Variants in NKAIN3 observed in about 807,000 individuals in gnomAD.
NKAIN3 encodes the protein sodium/potassium transporting ATPase interacting 3.
Under a neutral mutation model 30.2 loss-of-function variants are expected in NKAIN3, and 25 were observed. That is an observed-to-expected ratio of 0.83 (90% CI 0.60 to 1.16). NKAIN3 has a LOEUF of 1.16. Ranked by LOEUF, NKAIN3 falls within the 50% of genes most tolerant of loss-of-function variation. The pLI, the probability that NKAIN3 is intolerant of heterozygous loss-of-function variation, is 0.00. For missense variants in NKAIN3, 225 were observed against 254.1 expected, an observed-to-expected ratio of 0.89 and a Z score of 0.78; for synonymous variants, 91 against 89.6, an observed-to-expected ratio of 1.02 and a Z score of -0.09.
rs60289209 is a variant in NKAIN3 at position 62,580,925 on chromosome 8, T to G, written c.192+1249T>G. Among the ~76,000 whole-genome samples, 906 of 146,792 alleles carry G rather than the reference T, an allele frequency of 6.2e-3. 10 individuals are homozygous for G. The highest frequency in any genetic ancestry group is 0.021 in the African/African-American group (859 of 39,966). ...GGGTTTTTATATATATATATATATATAGAAATCCAGTGTCTACAAAAAAAT... is the reference window on the plus strand; with the variant it reads ...GGGTTTTTATATATATATATATATAGAGAAATCCAGTGTCTACAAAAAAAT... On this transcript the variant is annotated intron_variant, in intron 2 of 6. Transcript: ENST00000623646.
intron 4 of NKAIN3, among the ~76,000 whole-genome samples, chr8:62,799,229 A>G (rs1817975034): frequency 6.6e-6 from 1 of 152,208 alleles, no homozygotes; most frequent in Non-Finnish European, 1.5e-5. Context: ...TTTCCTACTT[A>G]AAGTAATAAT....
At chr8:62,360,291 A>G (rs1282251081) in intron 1 of NKAIN3, among the ~76,000 whole-genome samples, 1 of 152,188 alleles carries the variant, frequency 6.6e-6, no homozygotes, top group African/African-American at 2.4e-5. Context: ...TAAATCCCTG[A>G]TTATGTCATA....
At chr8:62,707,627 C>A (rs758456821) in intron 3 of NKAIN3, among the ~76,000 whole-genome samples, 4 of 151,930 alleles carry the variant, frequency 2.6e-5, no homozygotes, top group South Asian at 2.1e-4. Context: ...GGATGTTGGT[C>A]CTTTCTCAGA....
At chr8:62,947,818 T>C (rs1198018220) in intron 5 of NKAIN3, among the ~76,000 whole-genome samples, 1 of 152,166 alleles carries the variant, frequency 6.6e-6, no homozygotes. Flanking sequence ...CAACAGCCTG[T>C]CTTGACTTGC....
At chr8:62,989,898 T>C (rs1445977396), downstream of NKAIN3, among the ~76,000 whole-genome samples, 1 of 152,118 alleles carries the variant, frequency 6.6e-6, no homozygotes, top group African/African-American at 2.4e-5. Flanking sequence ...TCTAATTAGC[T>C]TTTTTGGCAA....
At chr8:62,997,123 T>C (rs1804135230) in intron 5 of NKAIN3, among the ~76,000 whole-genome samples, 2 of 152,192 alleles carry the variant, frequency 1.3e-5, no homozygotes, top group Admixed American at 6.5e-5. Flanking sequence ...GGCTGTCTTA[T>C]GAAGACCAGC....
intron 4 of NKAIN3, among the ~76,000 whole-genome samples, chr8:62,916,482 G>A (rs890415941): frequency 2.0e-5 from 3 of 152,104 alleles, no homozygotes; most frequent in Admixed American, 6.5e-5. Context: ...GAATGGGTTG[G>A]TAGAATACAG....
At chr8:62,937,814 C>T (rs1441019972) in intron 5 of NKAIN3, among the ~76,000 whole-genome samples, 2 of 152,066 alleles carry the variant, frequency 1.3e-5, no homozygotes, top group Non-Finnish European at 2.9e-5. Flanking sequence ...GGCAAGTTCT[C>T]AGCCTTGCTT....
At chr8:62,526,255 GAAC>G (rs773987613) in intron 1 of NKAIN3, among the ~76,000 whole-genome samples, 6 of 152,128 alleles carry the variant, frequency 3.9e-5, no homozygotes, top group Non-Finnish European at 5.9e-5. Context: ...TTATTACAAA[GAAC>G]AACAACAACA....
intron 4 of NKAIN3, among the ~76,000 whole-genome samples, chr8:62,816,007 T>C (rs1172683194): frequency 3.3e-5 from 5 of 152,214 alleles, no homozygotes. Context: ...GATTGTCATT[T>C]TGAATTCCTT....
chr8:62,779,179 G>C (rs142611621), intron 4 of NKAIN3, among the ~76,000 whole-genome samples: 5 of 152,182 alleles, frequency 3.3e-5, no homozygotes, highest in Middle Eastern at 3.4e-3. Flanking sequence ...GTGTTGGTGG[G>C]GAGGGGTGAC....
chr8:62,507,803 G>A (rs995259916), intron 1 of NKAIN3, among the ~76,000 whole-genome samples: 3 of 152,120 alleles, frequency 2.0e-5, no homozygotes, highest in Non-Finnish European at 2.9e-5. Flanking sequence ...GCTTGTACTC[G>A]GCTCCCGACT....
chr8:62,414,097 G>A (rs909906636), intron 1 of NKAIN3, among the ~76,000 whole-genome samples: 3 of 151,972 alleles, frequency 2.0e-5, no homozygotes, highest in African/African-American at 7.3e-5. Context: ...TTTGATTTGG[G>A]ACTTTTTGTA....
At chr8:62,294,717 A>AT (rs541873853) in intron 1 of NKAIN3, among the ~76,000 whole-genome samples, 120 of 151,990 alleles carry the variant, frequency 7.9e-4, no homozygotes, top group Middle Eastern at 6.8e-3. Flanking sequence ...TTGTATTTTA[A>AT]TTTTTTTGGT....
chr8:62,842,182 T>C (rs570412951), intron 4 of NKAIN3, among the ~76,000 whole-genome samples: 27 of 152,106 alleles, frequency 1.8e-4, no homozygotes, highest in Non-Finnish European at 3.5e-4. Flanking sequence ...TTTCAGTTCC[T>C]TGTATATTTT....
rs1157105994 is a variant in NKAIN3 at position 62,938,164 on chromosome 8, G to A, written c.533-15738G>A. ...GACATAATATCTTGGGAGCTCTAAC[G>A]GCCCTGCCCTCAACCTGAGAAAGCT... On this transcript the variant is annotated intron_variant, in intron 5 of 6. Coordinates refer to ENST00000623646, the MANE Select transcript of NKAIN3 (RefSeq NM_001304533.3). Among the ~76,000 whole-genome samples, 5 of 152,002 alleles carry A rather than the reference G, an allele frequency of 3.3e-5. No homozygotes were observed. In the South Asian group the frequency reaches 1.0e-3, roughly 32 times the overall value.
chr8:62,298,325 TAATAA>T (rs1305829616), intron 1 of NKAIN3, among the ~76,000 whole-genome samples: 1 of 151,994 alleles, frequency 6.6e-6, no homozygotes, highest in Admixed American at 6.6e-5. Flanking sequence ...AGTATCATAA[TAATAA>T]AATAAAATAA....
intron 4 of NKAIN3, among the ~76,000 whole-genome samples, chr8:62,805,125 C>T (rs1391268593): frequency 2.0e-5 from 3 of 152,070 alleles, no homozygotes; most frequent in Non-Finnish European, 2.9e-5. Context: ...AGGAGAACTA[C>T]AAACCACTGC....
At chr8:62,618,675 G>A (rs974728456) in intron 3 of NKAIN3, among the ~76,000 whole-genome samples, 3 of 152,156 alleles carry the variant, frequency 2.0e-5, no homozygotes, top group African/African-American at 7.2e-5. Flanking sequence ...GGAGGCCGAA[G>A]CAGGCAGATC....
Sources: allele counts gnomAD v4.1 joint callset (sites outside exome capture counted in the v4.1 genomes callset), GRCh38; gene constraint gnomAD v4.1.1; transcripts MANE v1.5; gene names NCBI Gene and HGNC (gene_info 2026-07-23, HGNC 2026-07-21).